Variants in CAMK1D observed in about 807,000 individuals in gnomAD.
CAMK1D encodes calcium/calmodulin dependent protein kinase ID.
In CAMK1D, 9 loss-of-function variants were observed where a neutral mutation model predicts 47.7. The observed-to-expected ratio is 0.19, with a 90% CI of 0.11 to 0.33. CAMK1D has a LOEUF of 0.33. Ranked by LOEUF, CAMK1D falls within the 10% of genes least tolerant of loss-of-function variation. The pLI, the probability that CAMK1D is intolerant of heterozygous loss-of-function variation, is 1.00. For synonymous variants in CAMK1D, 184 were observed against 184.9 expected, an observed-to-expected ratio of 0.99 and a Z score of 0.04; for missense variants, 291 against 488.7, an observed-to-expected ratio of 0.60 and a Z score of 3.81.
At chr10:12,649,304 G>A (rs779860838) in intron 2 of CAMK1D, among the ~76,000 whole-genome samples, 1 of 152,248 alleles carries the variant, frequency 6.6e-6, no homozygotes, top group African/African-American at 2.4e-5. Flanking sequence ...GTTAAGATAG[G>A]AAGAAAAGAG....
chr10:12,554,122 C>T (rs1239532815), intron 2 of CAMK1D, among the ~76,000 whole-genome samples: 1 of 150,934 alleles, frequency 6.6e-6, no homozygotes, highest in Non-Finnish European at 1.5e-5. Flanking sequence ...TCCTTTCTTT[C>T]CCTCCCCACT....
rs1249916348 is a variant in CAMK1D at position 12,691,413 on chromosome 10, A to T, written c.299+24603A>T. On this transcript the variant is annotated intron_variant, in intron 3 of 10. Transcript: ENST00000619168. ...TATATATATATATATAAATATATAT[A>T]TATATATATTTTTTTTTTTTTTTTT... Among the ~76,000 whole-genome samples, 10 of 2,194 alleles carry T rather than the reference A, an allele frequency of 4.6e-3. 1 individual carries two copies. The highest frequency in any genetic ancestry group is 0.053 in the East Asian group (2 of 38). 1.4% of individuals were successfully genotyped at this position (2,194 alleles called of 152,430 possible).
chr10:12,352,451 A>C (rs373103105), intron 1 of CAMK1D, among the ~76,000 whole-genome samples: 1 of 151,936 alleles, frequency 6.6e-6, no homozygotes, highest in East Asian at 2.0e-4. Flanking sequence ...GCTACTAACA[A>C]TAACAAAATT....
At chr10:12,523,683 G>A (rs1413538806) in intron 1 of CAMK1D, among the ~76,000 whole-genome samples, 3 of 152,170 alleles carry the variant, frequency 2.0e-5, no homozygotes, top group Admixed American at 6.5e-5. Flanking sequence ...GCAGTGAGCC[G>A]AGATGGCAGC....
chr10:12,535,893 G>T (rs371063901), intron 1 of CAMK1D, among the ~76,000 whole-genome samples: 2 of 152,106 alleles, frequency 1.3e-5, no homozygotes, highest in Admixed American at 1.3e-4. Flanking sequence ...TGTGTTATCT[G>T]TGGTAACACC....
At chr10:12,824,848 T>G (rs1383275013) in intron 9 of CAMK1D, among the ~76,000 whole-genome samples, 2 of 152,186 alleles carry the variant, frequency 1.3e-5, no homozygotes, top group Non-Finnish European at 2.9e-5. Context: ...TAGCTGACTT[T>G]TATTAAAGCG....
chr10:12,474,655 A>AT (rs1351288398), intron 1 of CAMK1D, among the ~76,000 whole-genome samples: 4 of 151,950 alleles, frequency 2.6e-5, no homozygotes, highest in African/African-American at 4.8e-5. Flanking sequence ...AGGTAAACTC[A>AT]TATCATGGGG....
rs749675063 is a variant in CAMK1D, at chr10:12,810,151, T to TAAAAAAAAAA, written c.642-4036_642-4027dup. On this transcript the variant is annotated intron_variant, in intron 6 of 10. Transcript: ENST00000619168. ...GTGACAGAGAGAGACCCTGTCTCAT[T>TAAAAAAAAAA]AAAAAAAAAAAAAAAAAGGCGTTAG... 7.9e-3 allele frequency among the ~76,000 whole-genome samples: 644 copies of TAAAAAAAAAA among 81,242 alleles called. 20 individuals carry two copies. The highest frequency in any genetic ancestry group is 0.03 in the African/African-American group (486 of 16,190). The allele number at this position is 81,242 out of a possible 152,430, so 53.3% of individuals were successfully genotyped here.
chr10:12,433,522 A>T (rs1832546988), intron 1 of CAMK1D, among the ~76,000 whole-genome samples: 1 of 152,104 alleles, frequency 6.6e-6, no homozygotes, highest in Non-Finnish European at 1.5e-5. Context: ...TGGGTCGAGG[A>T]AAGCGGAATC....
intron 3 of CAMK1D, among the ~76,000 whole-genome samples, chr10:12,751,726 G>T: frequency 6.6e-6 from 1 of 152,226 alleles, no homozygotes; most frequent in East Asian, 1.9e-4. Context: ...TAAGCGATGA[G>T]TACGGGTAGA....
chr10:12,430,488 C>T (rs1832435317), intron 1 of CAMK1D, among the ~76,000 whole-genome samples: 1 of 152,154 alleles, frequency 6.6e-6, no homozygotes, highest in African/African-American at 2.4e-5. Context: ...GTTTTTATCC[C>T]AAGTCATTTG....
intron 5 of CAMK1D, among the ~76,000 whole-genome samples, chr10:12,774,577 C>T (rs1837193847): frequency 1.3e-5 from 2 of 152,196 alleles, no homozygotes; most frequent in African/African-American, 4.8e-5. Flanking sequence ...TGTGTTAAGG[C>T]AGTGACATAT....
chr10:12,360,454 T>C (rs1285941396), intron 1 of CAMK1D, among the ~76,000 whole-genome samples: 1 of 152,108 alleles, frequency 6.6e-6, no homozygotes, highest in Non-Finnish European at 1.5e-5. Context: ...CAGGCCAGCG[T>C]CCCCTGCCCC....
intron 3 of CAMK1D, among the ~76,000 whole-genome samples, chr10:12,694,320 A>ATT: frequency 1.6e-5 from 1 of 64,000 alleles, no homozygotes; most frequent in Non-Finnish European, 2.7e-5. Flanking sequence ...TATAAAATAT[A>ATT]ATATATAAAG....
intron 2 of CAMK1D, among the ~76,000 whole-genome samples, chr10:12,622,415 C>A (rs186151122): frequency 4.6e-5 from 7 of 152,078 alleles, no homozygotes; most frequent in South Asian, 2.1e-4. Flanking sequence ...ATCTTGGATA[C>A]GGGAGGCAGA....
At chr10:12,393,322 C>T (rs540628277) in intron 1 of CAMK1D, among the ~76,000 whole-genome samples, 1 of 152,226 alleles carries the variant, frequency 6.6e-6, no homozygotes, top group South Asian at 2.1e-4. Context: ...TGAGACACTG[C>T]GCCTGGCCTT....
chr10:12,600,661 A>G (rs1330422027), intron 2 of CAMK1D, among the ~76,000 whole-genome samples: 1 of 152,238 alleles, frequency 6.6e-6, no homozygotes, highest in African/African-American at 2.4e-5. Context: ...GAGTACAAGT[A>G]CAGTTTTGTT....
intron 1 of CAMK1D, among the ~76,000 whole-genome samples, chr10:12,362,751 C>CT (rs1485841282): frequency 1.3e-5 from 2 of 152,172 alleles, no homozygotes; most frequent in Non-Finnish European, 2.9e-5. Context: ...ACCTCCTGAT[C>CT]TGCCCGCCTC....
At chr10:12,803,232 CA>C (rs1288459419) in intron 6 of CAMK1D, among the ~76,000 whole-genome samples, 2 of 152,246 alleles carry the variant, frequency 1.3e-5, no homozygotes, top group East Asian at 3.8e-4. Flanking sequence ...AGGACACATT[CA>C]CTAGAAGTGG....
Sources: gnomAD v4.1 joint callset for allele counts (sites outside exome capture counted in the v4.1 genomes callset) on GRCh38, gnomAD v4.1.1 for gene constraint, MANE v1.5 for transcripts, NCBI Gene and HGNC (gene_info 2026-07-23, HGNC 2026-07-21) for gene names.